TRIM71: variants seen among roughly 807,000 people sequenced by gnomAD.
The protein encoded by TRIM71 is E3 ubiquitin-protein ligase TRIM71.
TRIM71 carries 9 observed loss-of-function variants against 61.2 expected under a neutral mutation model. The ratio of observed to expected loss-of-function variants is 0.15; its 90% CI spans 0.09 to 0.26. The LOEUF is 0.26. Ranked by LOEUF, TRIM71 falls within the 10% of genes least tolerant of loss-of-function variation. The pLI, the probability that TRIM71 is intolerant of heterozygous loss-of-function variation, is 1.00. For synonymous variants in TRIM71, 645 were observed against 553.2 expected, an observed-to-expected ratio of 1.17 and a Z score of -2.33; for missense variants, 998 against 1,238.7, an observed-to-expected ratio of 0.81 and a Z score of 2.92.
At chr3:32,860,951 G>T (rs1390559642) in intron 1 of TRIM71, among the ~76,000 whole-genome samples, 2 of 152,056 alleles carry the variant, frequency 1.3e-5, no homozygotes, top group Non-Finnish European at 2.9e-5. Context: ...GAGGCAGGCA[G>T]ATCGCTTGAG....
chr3:32,852,139 A>G (rs927667129), intron 1 of TRIM71, among the ~76,000 whole-genome samples: 3 of 152,148 alleles, frequency 2.0e-5, no homozygotes, highest in African/African-American at 7.2e-5. Context: ...CCTTGGACCA[A>G]ACTGGTCACA....
At chr3:32,839,153 T>C (rs1575344808) in intron 1 of TRIM71, among the ~76,000 whole-genome samples, 1 of 151,982 alleles carries the variant, frequency 6.6e-6, no homozygotes, top group Non-Finnish European at 1.5e-5. Context: ...GAGTGGAGGG[T>C]GTTTCTTGTC....
chr3:32,858,453 A>G (rs531546990), intron 1 of TRIM71, among the ~76,000 whole-genome samples: 1 of 152,202 alleles, frequency 6.6e-6, no homozygotes, highest in African/African-American at 2.4e-5. Flanking sequence ...ACACTTGACT[A>G]TGAGGCCAGG....
chr3:32,879,249 C>T (rs534729105), intron 2 of TRIM71, among the ~76,000 whole-genome samples: 1 of 152,298 alleles, frequency 6.6e-6, no homozygotes, highest in South Asian at 2.1e-4. Flanking sequence ...GATCATTAAA[C>T]TTTCTTCATA....
In TRIM71 at chr3:32,873,935, C is replaced by G; in HGVS notation, c.970C>G (p.Leu324Val). ...LQEALQDSRA[L>V]TIQLLADAQQ... ...GGAGGCACTGCAGGACTCACGGGCA[C>G]TCACCATCCAGCTGCTGGCAGATGC... is the stretch of plus-strand genomic sequence containing the variant. Residue 324 changes from leucine (L) to valine (V), a missense_variant, in exon 2 of 4, where the codon CTC (leucine) becomes GTC (valine). Physicochemically the swap from Leu to Val is conservative, Grantham distance 32. Transcript: ENST00000383763. The G allele has an allele frequency of 6.2e-7, 1 of 1,613,800 alleles. No homozygotes were observed. Among genetic ancestry groups the G allele is most frequent in the South Asian group, 1.1e-5 (1 of 91,040 alleles).
At chr3:32,889,561 T>TTAC (rs1299452302) in intron 3 of TRIM71, among the ~76,000 whole-genome samples, 2 of 126,018 alleles carry the variant, frequency 1.6e-5, no homozygotes, top group African/African-American at 3.1e-5. Context: ...TTTGTCCCAA[T>TTAC]TATTATTATT....
At chr3:32,861,191 T>G (rs1339015546) in intron 1 of TRIM71, among the ~76,000 whole-genome samples, 1 of 151,560 alleles carries the variant, frequency 6.6e-6, no homozygotes, top group Non-Finnish European at 1.5e-5. Flanking sequence ...TAATCTTTTT[T>G]TTTTTCTTGA....
chr3:32,868,495 A>G (rs903168991), intron 1 of TRIM71, among the ~76,000 whole-genome samples: 3 of 152,208 alleles, frequency 2.0e-5, no homozygotes, highest in African/African-American at 7.2e-5. Flanking sequence ...AAGTTGTGGT[A>G]CATTCATATA....
At chr3:32,864,345 T>C (rs1696706122) in intron 1 of TRIM71, among the ~76,000 whole-genome samples, 1 of 152,232 alleles carries the variant, frequency 6.6e-6, no homozygotes, top group Non-Finnish European at 1.5e-5. Context: ...AGCACAGGTG[T>C]GGCACTCTTA....
At chr3:32,825,311 G>T (rs1041329553) in intron 1 of TRIM71, among the ~76,000 whole-genome samples, 2 of 152,080 alleles carry the variant, frequency 1.3e-5, no homozygotes, top group Non-Finnish European at 2.9e-5. Flanking sequence ...TGGCTAAAAC[G>T]CTTTTTTTTA....
chr3:32,865,979 A>C (rs1337639753), intron 1 of TRIM71, among the ~76,000 whole-genome samples: 2 of 151,674 alleles, frequency 1.3e-5, no homozygotes, highest in Non-Finnish European at 2.9e-5. Context: ...GATGCCCGTC[A>C]CTACGCCTGG....
rs1175231103 is a variant in TRIM71, at chr3:32,890,587, C to T, written c.1383C>T (p.Phe461=). The change falls in exon 4 of 4, where the codon TTC becomes TTT. Residue 461 remains phenylalanine (F), a synonymous_variant. Transcript: ENST00000383763. The surrounding 1 kb of genome is among the most constrained non-coding windows in gnomAD (Gnocchi z 6.2). ...CCCAGGAAGACGACCGAGTCATGTT[C>T]ACACCCCCCGATCAGGCACTGTACC... ...LQPQEDDRVM[F]TPPDQALYLA... The T allele has an allele frequency of 6.2e-7, 1 of 1,614,026 alleles. No individual in the cohort carries two copies. Among genetic ancestry groups the T allele is most frequent in the African/African-American group, 1.3e-5 (1 of 75,074 alleles).
intron 1 of TRIM71, among the ~76,000 whole-genome samples, chr3:32,868,094 T>G (rs1696758497): frequency 1.3e-5 from 2 of 152,186 alleles, no homozygotes; most frequent in Non-Finnish European, 2.9e-5. Flanking sequence ...TGTAGGCCCC[T>G]TTTCAATGTT....
At chr3:32,832,872 A>G (rs1477489622) in intron 1 of TRIM71, among the ~76,000 whole-genome samples, 1 of 152,056 alleles carries the variant, frequency 6.6e-6, no homozygotes, top group Non-Finnish European at 1.5e-5. Context: ...ATTAATAGGT[A>G]ATATAAAGAA....
chr3:32,849,559 A>G (rs552231334), intron 1 of TRIM71, among the ~76,000 whole-genome samples: 1 of 151,932 alleles, frequency 6.6e-6, no homozygotes, highest in Non-Finnish European at 1.5e-5. Flanking sequence ...GGGTTTTGTC[A>G]TGTTGGCTGG....
At chr3:32,870,360 T>C (rs963725494) in intron 1 of TRIM71, among the ~76,000 whole-genome samples, 3 of 152,178 alleles carry the variant, frequency 2.0e-5, no homozygotes, top group African/African-American at 7.2e-5. Context: ...TTATCAACCA[T>C]TTGGGTGCTC....
At chr3:32,870,720 A>G (rs1208228247) in intron 1 of TRIM71, among the ~76,000 whole-genome samples, 3 of 152,140 alleles carry the variant, frequency 2.0e-5, no homozygotes, top group Non-Finnish European at 4.4e-5. Flanking sequence ...TTTGAGGTTG[A>G]TCTAAACCTA....
chr3:32,873,759 C>A, intron 1 of TRIM71, 59 bp from the exon 2 acceptor site: 1 of 1,399,484 alleles, frequency 7.1e-7, no homozygotes, highest in Non-Finnish European at 9.4e-7. Context: ...CAGTTGCTGT[C>A]TTCCCTCCTC....
chr3:32,822,833 G>T (rs1696156675), intron 1 of TRIM71, among the ~76,000 whole-genome samples: 1 of 152,176 alleles, frequency 6.6e-6, no homozygotes, highest in African/African-American at 2.4e-5. Flanking sequence ...GAGGCGATCA[G>T]ATGTAACTAA....
Sources: allele counts gnomAD v4.1 joint callset (sites outside exome capture counted in the v4.1 genomes callset), GRCh38; gene constraint gnomAD v4.1.1; non-coding constraint Gnocchi (gnomAD v3.1); transcripts MANE v1.5; gene names NCBI Gene and HGNC (gene_info 2026-07-23, HGNC 2026-07-21).